MAP2K5: variants seen among roughly 807,000 people sequenced by gnomAD.
MAP2K5 encodes the protein dual specificity mitogen-activated protein kinase kinase 5.
In MAP2K5, 49 loss-of-function variants were observed where a neutral mutation model predicts 83.1. That is an observed-to-expected ratio of 0.59 (90% confidence interval 0.47 to 0.75). MAP2K5 has a LOEUF of 0.75. MAP2K5 is among the 30% of genes least tolerant of loss of function. MAP2K5 has a pLI of 0.00. For missense variants in MAP2K5, 457 were observed against 557.5 expected (o/e 0.82, Z 1.82); for synonymous variants, 202 against 191.8 (o/e 1.05, Z -0.44).
intron 12 of MAP2K5, among the ~76,000 whole-genome samples, chr15:67,662,116 A>G (rs2087253360): frequency 6.6e-6 from 1 of 152,160 alleles, no homozygotes; most frequent in Non-Finnish European, 1.5e-5. Flanking sequence ...ATAGACAAAC[A>G]TATACTAGAA....
At position 67,668,187 on chromosome 15, in the gene MAP2K5, A is replaced by G. The variant is rs548554804; in HGVS notation, c.847+3542A>G. On this transcript the variant is annotated intron_variant, in intron 13 of 21. Transcript: ENST00000178640. The surrounding 1 kb of genome is among the most constrained non-coding windows in gnomAD (Gnocchi z 4.0). ...AACTATTGAATGCTAAGAATGTGGC[A>G]TGTTTTTATTATAACCATGAATTAA... Among the ~76,000 whole-genome samples, 5 of 152,278 alleles carry G rather than the reference A, an allele frequency of 3.3e-5. No homozygotes were observed. The East Asian group carries it at 9.6e-4, about 29-fold the overall frequency.
intron 9 of MAP2K5, among the ~76,000 whole-genome samples, chr15:67,639,299 G>A (rs2086664250): frequency 6.6e-6 from 1 of 152,156 alleles, no homozygotes; most frequent in African/African-American, 2.4e-5. Context: ...TTTCTTGTCA[G>A]ACATGTATAC....
intron 16 of MAP2K5, among the ~76,000 whole-genome samples, chr15:67,725,578 A>G (rs1228467879): frequency 1.3e-5 from 2 of 152,178 alleles, no homozygotes; most frequent in Admixed American, 6.5e-5. Context: ...CATATACCCA[A>G]GTGAATGGCG....
At position 67,748,296 on chromosome 15, in the gene MAP2K5, T is replaced by C; in HGVS notation, c.1101+39T>C. 6.5e-7 allele frequency: 1 copy of C among 1,533,334 alleles called. No homozygotes were observed. Among genetic ancestry groups the C allele is most frequent in the Non-Finnish European group, 9.0e-7 (1 of 1,108,922 alleles). The allele number at this position is 1,533,334 out of a possible 1,614,324, so 95.0% of individuals were successfully genotyped here. A position where few individuals can be genotyped will look rare whatever the true frequency, so the allele number is the denominator to read the frequency against. ...GTTCAGAAAAAAATTCACTTTTCTT[T>C]TTCCTGATGGCTGCTTCCTTTGCAT... On this transcript the variant is annotated intron_variant, in intron 18 of 21. Coordinates refer to ENST00000178640, the MANE Select transcript of MAP2K5 (RefSeq NM_145160.3). The surrounding 1 kb of genome is among the most constrained non-coding windows in gnomAD (Gnocchi z 4.0).
chr15:67,658,703 T>C (rs1342549451), intron 12 of MAP2K5, 89 bp downstream of exon 12: 3 of 1,175,414 alleles, frequency 2.6e-6, no homozygotes, highest in Non-Finnish European at 3.8e-6. Flanking sequence ...TGTTTTTTCT[T>C]GTTCTTCAAT....
intron 21 of MAP2K5, among the ~76,000 whole-genome samples, chr15:67,800,288 C>T (rs555467901): frequency 8.3e-4 from 126 of 152,218 alleles, no homozygotes; most frequent in Admixed American, 3.5e-3. Flanking sequence ...TAATGCAAGA[C>T]TTCAATATTA....
At chr15:67,784,840 T>G (rs983728799) in intron 21 of MAP2K5, among the ~76,000 whole-genome samples, 2 of 152,186 alleles carry the variant, frequency 1.3e-5, no homozygotes, top group African/African-American at 4.8e-5. Flanking sequence ...TCCTCAAGTT[T>G]GGGAGAAATT....
At position 67,794,775 on chromosome 15, in the gene MAP2K5, C is replaced by T. The variant is rs2090576801; in HGVS notation, c.1243-11871C>T. ...TGATTTGATAGCAGCAAAAATTTTC[C>T]ACTTTGGCTCAGTCTTTGTGTAAAT... is the stretch of plus-strand genomic sequence containing the variant. On this transcript the variant is annotated intron_variant, in intron 21 of 21. Transcript: ENST00000178640. The surrounding 1 kb of genome is among the most constrained non-coding windows in gnomAD (Gnocchi z 4.6). 6.6e-6 allele frequency among the ~76,000 whole-genome samples: 1 copy of T among 152,122 alleles called. No individual in the cohort carries two copies. Among genetic ancestry groups the T allele is most frequent in the South Asian group, 2.1e-4 (1 of 4,828 alleles).
chr15:67,580,566 A>G (rs774590010), intron 3 of MAP2K5, among the ~76,000 whole-genome samples, 188 bp from the exon 4 acceptor site: 1 of 152,232 alleles, frequency 6.6e-6, no homozygotes, highest in East Asian at 1.9e-4. Context: ...GTGAAGGCTA[A>G]CACACTGGAC....
intron 8 of MAP2K5, among the ~76,000 whole-genome samples, chr15:67,626,964 G>A (rs141526306): frequency 8.6e-4 from 131 of 151,902 alleles, no homozygotes; most frequent in African/African-American, 3.1e-3. Flanking sequence ...ACAGAGTCTC[G>A]CTCTGTCACC....
Position 67,755,824 on chromosome 15 carries a change from T to G in MAP2K5, c.1134+7223T>G, listed in dbSNP as rs1320984501. ...ATGATGAGCTGTTGAATTCAGGGCT[T>G]TTTGCCAAGAAAGTCTGTTTCCATC... On this transcript the variant is annotated intron_variant, in intron 19 of 21. Transcript: ENST00000178640. The surrounding 1 kb of genome is among the most constrained non-coding windows in gnomAD (Gnocchi z 4.7). 6.6e-6 allele frequency among the ~76,000 whole-genome samples: 1 copy of G among 152,180 alleles called. No individual in the cohort carries two copies.
chr15:67,660,074 A>AT (rs904306464), intron 12 of MAP2K5, among the ~76,000 whole-genome samples: 4 of 151,896 alleles, frequency 2.6e-5, no homozygotes, highest in Non-Finnish European at 2.9e-5. Flanking sequence ...TTGCCTTTAC[A>AT]TTTTTTTTAA....
At chr15:67,657,548 A>C (rs2087115301) in intron 11 of MAP2K5, among the ~76,000 whole-genome samples, 1 of 151,990 alleles carries the variant, frequency 6.6e-6, no homozygotes, top group Admixed American at 6.6e-5. Context: ...TTCATATCAG[A>C]AGTGTCTTTT....
intron 3 of MAP2K5, among the ~76,000 whole-genome samples, chr15:67,578,016 C>T (rs907977654): frequency 9.2e-5 from 14 of 151,972 alleles, no homozygotes; most frequent in African/African-American, 3.4e-4. Context: ...AAAGAAAACC[C>T]CAATTTGTTT....
chr15:67,693,073 G>A (rs1169951727), intron 14 of MAP2K5, among the ~76,000 whole-genome samples: 1 of 152,166 alleles, frequency 6.6e-6, no homozygotes, highest in African/African-American at 2.4e-5. Context: ...GAAGACCAAA[G>A]CGAAGGTCAT....
At position 67,757,774 on chromosome 15, in the gene MAP2K5, G is replaced by A. The variant is rs911362151; in HGVS notation, c.1134+9173G>A. Among the ~76,000 whole-genome samples, 4 of 151,966 alleles carry A rather than the reference G, an allele frequency of 2.6e-5. No homozygotes were observed. The highest frequency in any genetic ancestry group is 6.6e-5 in the Admixed American group (1 of 15,258). ...TATCATTTTAACCACTCACATAAAT[G>A]GGTATTTACGATATGGTATTTAATG... On this transcript the variant is annotated intron_variant, in intron 19 of 21. Coordinates refer to ENST00000178640, the MANE Select transcript of MAP2K5 (RefSeq NM_145160.3). This position sits in a 1 kb window ranked among gnomAD's most constrained non-coding sequence, Gnocchi z 4.9.
Position 67,553,912 on chromosome 15 carries a change from T to A in MAP2K5, c.184+3830T>A, listed in dbSNP as rs373443851. On this transcript the variant is annotated intron_variant, in intron 2 of 21. Coordinates refer to ENST00000178640, the MANE Select transcript of MAP2K5 (RefSeq NM_145160.3). ...TCCGGCCTGGGCGACAGAGCGAGAC[T>A]CCATCTCAAAAAAAAAAAAAAAAAA... Among the ~76,000 whole-genome samples, 635 of 70,594 alleles carry A rather than the reference T, an allele frequency of 9.0e-3. 3 individuals are homozygous for A. Among genetic ancestry groups the A allele is most frequent in the African/African-American group, 0.036 (615 of 16,938 alleles). 46.3% of individuals were successfully genotyped at this position (70,594 alleles called of 152,430 possible). A position where few individuals can be genotyped will look rare whatever the true frequency, so the allele number is the denominator to read the frequency against.
chr15:67,592,842 C>A, intron 6 of MAP2K5, 84 bp from the exon 7 acceptor site: 2 of 926,334 alleles, frequency 2.2e-6, no homozygotes, highest in Non-Finnish European at 1.7e-6. Context: ...TATGTAAAAG[C>A]AAAGGTGTAT....
intron 8 of MAP2K5, among the ~76,000 whole-genome samples, chr15:67,619,284 C>G (rs1220420705): frequency 6.6e-6 from 1 of 152,110 alleles, no homozygotes; most frequent in African/African-American, 2.4e-5. Flanking sequence ...TATATCCTTA[C>G]CTTTATTTTT....
Sources: gnomAD v4.1 joint callset for allele counts (sites outside exome capture counted in the v4.1 genomes callset) on GRCh38, gnomAD v4.1.1 for gene constraint, Gnocchi (gnomAD v3.1) non-coding constraint, MANE v1.5 for transcripts, NCBI Gene and HGNC (gene_info 2026-07-23, HGNC 2026-07-21) for gene names.